Variants in TRAPPC3L observed in about 807,000 individuals in gnomAD.
TRAPPC3L encodes trafficking protein particle complex subunit 3L.
TRAPPC3L carries 23 observed loss-of-function variants against 23.7 expected under a neutral mutation model. The ratio of observed to expected loss-of-function variants is 0.97; its 90% CI spans 0.70 to 1.37. The LOEUF (loss-of-function observed/expected upper bound fraction) is 1.37. Ranked by LOEUF, TRAPPC3L falls within the 40% of genes most tolerant of loss-of-function variation. The probability of loss-of-function intolerance (pLI) is 0.00; values close to 1 mark genes in which losing one functional copy is unlikely to be tolerated. For synonymous variants in TRAPPC3L, 81 were observed against 77.9 expected (o/e 1.04, Z -0.21); for missense variants, 212 against 216.8 (o/e 0.98, Z 0.14).
At chr6:116,515,746 A>G in intron 3 of TRAPPC3L, 2 of 1,614,034 alleles carry the variant, frequency 1.2e-6, no homozygotes, top group Non-Finnish European at 1.7e-6. Context: ...TGGAAAATAC[A>G]TTTCTGGACT....
intron 3 of TRAPPC3L, chr6:116,520,962 G>GT (rs1772323954): frequency 6.6e-6 from 1 of 151,644 alleles, no homozygotes; most frequent in South Asian, 2.1e-4. Flanking sequence ...CAATTTTGGA[G>GT]TATCTTTGAT....
rs140962692 is a variant in TRAPPC3L, at chr6:116,496,790, G to GA, written c.*163dup. The GA allele has an allele frequency of 5.3e-3, 5,156 of 975,746 alleles. 93 individuals are homozygous for GA. In the African/African-American group the frequency reaches 0.057, roughly 11 times the overall value. 60.4% of individuals were successfully genotyped at this position (975,746 alleles called of 1,614,324 possible). A position where few individuals can be genotyped will look rare whatever the true frequency, so the allele number is the denominator to read the frequency against. ...AAAATGCGTGATTTATAAGCAAAAG[G>GA]AAAAAAAAACCTTTAAGCCTTCATG... On this transcript the variant is annotated 3_prime_UTR_variant, in exon 5 of 5. Coordinates refer to ENST00000368602, the MANE Select transcript of TRAPPC3L (RefSeq NM_001139444.3).
intron 3 of TRAPPC3L, among the ~76,000 whole-genome samples, chr6:116,530,734 A>G (rs1489501649): frequency 6.6e-6 from 1 of 151,912 alleles, no homozygotes; most frequent in African/African-American, 2.4e-5. Context: ...CTGCAAATGT[A>G]TAACAAAGAC....
intron 3 of TRAPPC3L, among the ~76,000 whole-genome samples, chr6:116,538,740 T>C (rs1160114389): frequency 1.3e-5 from 2 of 152,008 alleles, no homozygotes; most frequent in Non-Finnish European, 2.9e-5. Flanking sequence ...CTTTCTTTTT[T>C]TTTTTTTTTG....
At chr6:116,498,281 C>T (rs1771862553) in intron 4 of TRAPPC3L, among the ~76,000 whole-genome samples, 2 of 152,094 alleles carry the variant, frequency 1.3e-5, no homozygotes, top group African/African-American at 2.4e-5. Flanking sequence ...TCCCTTTGCC[C>T]ATAAACACTT....
At chr6:116,497,560 G>C (rs10485185) in intron 4 of TRAPPC3L, among the ~76,000 whole-genome samples, 12,034 of 152,176 alleles carry the variant, frequency 0.079, 543 homozygotes, top group Admixed American at 0.13. Context: ...TGAGAGCTTT[G>C]AGAATAATAT....
chr6:116,495,469 G>A lies in TRAPPC3L; in HGVS notation c.*1485C>T, dbSNP rs969121116. 1 of 152,128 alleles carries A rather than the reference G, an allele frequency of 6.6e-6. No homozygotes were observed. Among genetic ancestry groups the A allele is most frequent in the Non-Finnish European group, 1.5e-5 (1 of 68,018 alleles). 9.4% of individuals were successfully genotyped at this position (152,128 alleles called of 1,614,324 possible). ...CTTAGCTATCGTCAGTAGTTCTGCA[G>A]TAAACATGGGAGTGCAGATATCTCT... On this transcript the variant is annotated 3_prime_UTR_variant, in exon 5 of 5. Transcript: ENST00000368602.
Position 116,496,683 on chromosome 6 carries a change from A to C in TRAPPC3L, c.*271T>G. 3.2e-6 allele frequency: 1 copy of C among 312,398 alleles called. No homozygotes were observed. Among genetic ancestry groups the C allele is most frequent in the South Asian group, 6.0e-5 (1 of 16,712 alleles). 19.4% of individuals were successfully genotyped at this position (312,398 alleles called of 1,614,324 possible). A position where few individuals can be genotyped will look rare whatever the true frequency, so the allele number is the denominator to read the frequency against. On this transcript the variant is annotated 3_prime_UTR_variant, in exon 5 of 5. Transcript: ENST00000368602. ...AATGGAATGAACAGCTTCTCTGAGG[A>C]TGGATAGTGTAAGATGTGGAATTCC...
chr6:116,500,862 T>A (rs892029320), intron 3 of TRAPPC3L, among the ~76,000 whole-genome samples, 196 bp from the exon 4 acceptor site: 1 of 152,202 alleles, frequency 6.6e-6, no homozygotes, highest in Non-Finnish European at 1.5e-5. Context: ...TTTTTACTTG[T>A]GAGTCACTTC....
At chr6:116,532,588 T>G (rs914953791) in intron 3 of TRAPPC3L, among the ~76,000 whole-genome samples, 3 of 152,208 alleles carry the variant, frequency 2.0e-5, no homozygotes, top group East Asian at 3.8e-4. Context: ...CAATAAAGAA[T>G]CAAATTAAAC....
intron 3 of TRAPPC3L, among the ~76,000 whole-genome samples, chr6:116,505,321 G>C (rs934076970): frequency 3.3e-5 from 5 of 152,092 alleles, no homozygotes; most frequent in African/African-American, 4.8e-5. Context: ...GGGATGTGAA[G>C]GACCTCTTCA....
At chr6:116,499,254 T>C (rs1371906319) in intron 4 of TRAPPC3L, among the ~76,000 whole-genome samples, 1 of 152,200 alleles carries the variant, frequency 6.6e-6, no homozygotes, top group Non-Finnish European at 1.5e-5. Context: ...TTCCATCTTT[T>C]TGATGTTGTT....
chr6:116,507,754 G>A (rs1301289835), intron 3 of TRAPPC3L, among the ~76,000 whole-genome samples: 1 of 152,192 alleles, frequency 6.6e-6, no homozygotes, highest in Non-Finnish European at 1.5e-5. Context: ...TAAGGAACAA[G>A]TGGTAGTGGT....
At chr6:116,534,424 A>G (rs1214642493) in intron 3 of TRAPPC3L, among the ~76,000 whole-genome samples, 1 of 152,100 alleles carries the variant, frequency 6.6e-6, no homozygotes, top group Non-Finnish European at 1.5e-5. Flanking sequence ...AGATTCAGTC[A>G]TAGCAGTCTT....
At chr6:116,527,381 G>T (rs1250725989) in intron 3 of TRAPPC3L, among the ~76,000 whole-genome samples, 2 of 152,116 alleles carry the variant, frequency 1.3e-5, no homozygotes, top group African/African-American at 2.4e-5. Flanking sequence ...GCCAGGCTTG[G>T]TGGCGGGCGC....
chr6:116,528,906 G>T (rs1240526455), intron 3 of TRAPPC3L: 2 of 152,234 alleles, frequency 1.3e-5, no homozygotes, highest in African/African-American at 4.8e-5. Flanking sequence ...AGCAAAGAAA[G>T]ATTTTATTTT....
chr6:116,534,009 C>T (rs2115203590), intron 3 of TRAPPC3L, among the ~76,000 whole-genome samples: 1 of 152,312 alleles, frequency 6.6e-6, no homozygotes, highest in South Asian at 2.1e-4. Context: ...ATCATACCTT[C>T]CCCAACAAGA....
intron 3 of TRAPPC3L, chr6:116,518,218 C>T (rs1772264760): frequency 6.6e-6 from 1 of 152,062 alleles, no homozygotes. Flanking sequence ...TGACTGGTGT[C>T]TGAAGTTGGG....
intron 4 of TRAPPC3L, among the ~76,000 whole-genome samples, chr6:116,500,243 A>G (rs1373724035): frequency 6.6e-6 from 1 of 152,226 alleles, no homozygotes. Context: ...GTATTAAGCC[A>G]TGAAAGACTC....
Sources: gnomAD v4.1 joint callset for allele counts (sites outside exome capture counted in the v4.1 genomes callset) on GRCh38, gnomAD v4.1.1 for gene constraint, MANE v1.5 for transcripts, NCBI Gene and HGNC (gene_info 2026-07-23, HGNC 2026-07-21) for gene names.